ARSF: variants seen among roughly 807,000 people sequenced by gnomAD.
The protein encoded by ARSF is arylsulfatase F.
In ARSF, 33 loss-of-function variants were observed where a neutral mutation model predicts 35.4. That is an observed-to-expected ratio of 0.93 (90% confidence interval 0.71 to 1.25). The LOEUF (loss-of-function observed/expected upper bound fraction) is 1.25. Ranked by LOEUF, ARSF falls within the 50% of genes most tolerant of loss-of-function variation. The pLI, the probability that ARSF is intolerant of heterozygous loss-of-function variation, is 0.00. For synonymous variants in ARSF, 222 were observed against 193.1 expected (o/e 1.15, Z -1.24); for missense variants, 501 against 480.2 (o/e 1.04, Z -0.40).
chrX:3,091,318 T>C (rs952281669), intron 7 of ARSF, among the ~76,000 whole-genome samples: 1 of 112,453 alleles, frequency 8.9e-6, no homozygotes, highest in Non-Finnish European at 1.9e-5. Context: ...TAGTTGGGGA[T>C]TGGGAATTAA....
chrX:3,109,468 G>C (rs1352531138), intron 9 of ARSF, among the ~76,000 whole-genome samples: 1 of 111,425 alleles, frequency 9.0e-6, no homozygotes, highest in Non-Finnish European at 1.9e-5. Flanking sequence ...TTTAGATTCA[G>C]GGTCCCATGT....
chrX:3,063,060 A>T (rs1372892514), intron 1 of ARSF, among the ~76,000 whole-genome samples: 1 of 111,965 alleles, frequency 8.9e-6, no homozygotes, highest in Non-Finnish European at 1.9e-5. Flanking sequence ...CCTCAATAAA[A>T]TACTGGCAAA....
intron 8 of ARSF, among the ~76,000 whole-genome samples, chrX:3,102,456 T>C (rs1431798686): frequency 8.9e-6 from 1 of 112,463 alleles, no homozygotes; most frequent in Non-Finnish European, 1.9e-5. Flanking sequence ...AAAGATATTA[T>C]TTCACTTATT....
At chrX:3,104,196 CT>C (rs1235749598) in intron 9 of ARSF, among the ~76,000 whole-genome samples, 5 of 111,113 alleles carry the variant, frequency 4.5e-5, no homozygotes, top group Non-Finnish European at 7.5e-5. Context: ...TACTTATTTT[CT>C]TTTTTTCCCC....
chrX:3,108,272 C>A (rs763098610), intron 9 of ARSF, among the ~76,000 whole-genome samples: 121 of 111,886 alleles, frequency 1.1e-3, no homozygotes, highest in African/African-American at 3.8e-3. Context: ...AAATTTTAAA[C>A]CATTCTAGGA....
intron 1 of ARSF, among the ~76,000 whole-genome samples, chrX:3,050,554 A>G (rs2089993076): frequency 9.1e-6 from 1 of 110,017 alleles, no homozygotes; most frequent in African/African-American, 3.3e-5. Context: ...CTCAAAAAAA[A>G]AAAAAAAAAG....
rs758409761 is a variant in ARSF, at chrX:3,110,267, C to T, written c.1390+15C>T. On this transcript the variant is annotated intron_variant, in intron 10 of 10. Transcript: ENST00000381127. Reference sequence around the variant, plus strand: ...CAAGGACGACAGTGAGTGCTCAACCCGTTGCTTCCTGTTCCCTGCCAGGAG... The same window carrying T: ...CAAGGACGACAGTGAGTGCTCAACCTGTTGCTTCCTGTTCCCTGCCAGGAG... 1.8e-5 allele frequency: 21 copies of T among 1,143,446 alleles called. No individual in the cohort carries two copies. The highest frequency in any genetic ancestry group is 9.4e-5 in the East Asian group (3 of 31,773). 94.2% of individuals were successfully genotyped at this position (1,143,446 alleles called of 1,213,427 possible). A position where few individuals can be genotyped will look rare whatever the true frequency, so the allele number is the denominator to read the frequency against.
In ARSF at chrX:3,112,124, G is replaced by C. The variant is rs376097312; in HGVS notation, c.1391-50G>C. 41 of 1,070,342 alleles carry C rather than the reference G, an allele frequency of 3.8e-5. No homozygotes were observed. In the African/African-American group the frequency reaches 7.7e-4, roughly 20 times the overall value. The allele number at this position is 1,070,342 out of a possible 1,213,427, so 88.2% of individuals were successfully genotyped here. A position where few individuals can be genotyped will look rare whatever the true frequency, so the allele number is the denominator to read the frequency against. On this transcript the variant is annotated intron_variant, in intron 10 of 10. Coordinates refer to ENST00000381127, the MANE Select transcript of ARSF (RefSeq NM_001201539.2). ...ATAGAACACTAGGACTTCTTCCTTT[G>C]ATCTGGCTGAAGTGCGCATCATTTG...
At chrX:3,108,486 C>T (rs1208452878) in intron 9 of ARSF, among the ~76,000 whole-genome samples, 2 of 111,598 alleles carry the variant, frequency 1.8e-5, no homozygotes, top group African/African-American at 6.5e-5. Context: ...TTTTCTCATA[C>T]AAATTTTTCA....
In ARSF at chrX:3,083,535, C is replaced by T. The variant is rs1040264867; in HGVS notation, c.407-708C>T. Reference sequence around the variant, plus strand: ...CTATCTATCTATCTATCTATCCATCCATCCATCCATCCAACCACTCACTCT... The same window carrying T: ...CTATCTATCTATCTATCTATCCATCTATCCATCCATCCAACCACTCACTCT... On this transcript the variant is annotated intron_variant, in intron 5 of 10. Coordinates refer to ENST00000381127, the MANE Select transcript of ARSF (RefSeq NM_001201539.2). 3.7e-5 allele frequency among the ~76,000 whole-genome samples: 4 copies of T among 108,509 alleles called. No homozygotes were observed. In the East Asian group the frequency reaches 1.2e-3, roughly 32 times the overall value. The allele number at this position is 108,509 out of a possible 115,157, so 94.2% of individuals were successfully genotyped here.
At chrX:3,079,599 C>G (rs1381579967) in intron 4 of ARSF, among the ~76,000 whole-genome samples, 1 of 109,666 alleles carries the variant, frequency 9.1e-6, no homozygotes, top group Non-Finnish European at 1.9e-5. Flanking sequence ...CTGCCTTGTC[C>G]TCCCAAAGTG....
chrX:3,088,749 T>C (rs1012491119), intron 6 of ARSF, among the ~76,000 whole-genome samples: 2 of 111,015 alleles, frequency 1.8e-5, no homozygotes, highest in Non-Finnish European at 3.8e-5. Context: ...TTAGTAGAGA[T>C]AAGATTTCAC....
intron 1 of ARSF, among the ~76,000 whole-genome samples, chrX:3,058,831 A>C (rs1199125342): frequency 5.4e-5 from 6 of 111,730 alleles, no homozygotes; most frequent in Non-Finnish European, 7.5e-5. Context: ...AGTGCACTCC[A>C]ACTTGGGTGA....
intron 8 of ARSF, among the ~76,000 whole-genome samples, chrX:3,102,888 G>A (rs2090387974): frequency 9.2e-6 from 1 of 109,026 alleles, no homozygotes; most frequent in African/African-American, 3.4e-5. Context: ...CTCCAGCCTG[G>A]CAACAGAGCG....
At chrX:3,052,556 C>T (rs551074699) in intron 1 of ARSF, among the ~76,000 whole-genome samples, 9 of 110,413 alleles carry the variant, frequency 8.2e-5, no homozygotes, top group Admixed American at 2.0e-4. Context: ...AGCCTGGGCA[C>T]GGTCAGTCAC....
At chrX:3,090,659 G>C (rs1477158777) in intron 7 of ARSF, among the ~76,000 whole-genome samples, 2 of 112,509 alleles carry the variant, frequency 1.8e-5, no homozygotes, top group Non-Finnish European at 3.8e-5. Context: ...CTGGGTGACA[G>C]TAGCTCCCAC....
intron 7 of ARSF, among the ~76,000 whole-genome samples, chrX:3,097,989 GTA>G (rs1224926737): frequency 9.4e-6 from 1 of 106,760 alleles, no homozygotes; most frequent in Non-Finnish European, 1.9e-5. Flanking sequence ...TCCAGCCTGG[GTA>G]ACAAATGCAA....
At chrX:3,062,099 T>G (rs1265500478) in intron 1 of ARSF, among the ~76,000 whole-genome samples, 3 of 109,260 alleles carry the variant, frequency 2.7e-5, no homozygotes, top group Non-Finnish European at 1.9e-5. Context: ...CACAACAAAC[T>G]GTCTCTCAGA....
At chrX:3,062,093 A>G (rs1489005534) in intron 1 of ARSF, among the ~76,000 whole-genome samples, 2 of 109,491 alleles carry the variant, frequency 1.8e-5, no homozygotes. Flanking sequence ...AGAAATCACA[A>G]CAAACTGTCT....
Sources: gnomAD v4.1 joint callset for allele counts (sites outside exome capture counted in the v4.1 genomes callset) on GRCh38, gnomAD v4.1.1 for gene constraint, MANE v1.5 for transcripts, NCBI Gene and HGNC (gene_info 2026-07-23, HGNC 2026-07-21) for gene names.